Variants in AQR observed in about 807,000 individuals in gnomAD.
The protein encoded by AQR is RNA helicase aquarius.
Under a neutral mutation model 180.5 loss-of-function variants are expected in AQR, and 61 were observed. The observed-to-expected ratio is 0.34, with a 90% CI of 0.28 to 0.42. AQR has a LOEUF of 0.42. Ranked by LOEUF, AQR falls within the 10% of genes least tolerant of loss-of-function variation. The pLI, the probability that AQR is intolerant of heterozygous loss-of-function variation, is 1.00. For missense variants in AQR, 1,281 were observed against 1,798.3 expected, an observed-to-expected ratio of 0.71 and a Z score of 5.20; for synonymous variants, 551 against 588.8, an observed-to-expected ratio of 0.94 and a Z score of 0.93.
At chr15:34,931,170 G>C (rs1046400232) in intron 11 of AQR, among the ~76,000 whole-genome samples, 1 of 151,970 alleles carries the variant, frequency 6.6e-6, no homozygotes, top group African/African-American at 2.4e-5. Context: ...ACTAAGATAG[G>C]GAAAGCTAAG....
chr15:34,922,999 C>T (rs1268877680), intron 13 of AQR, among the ~76,000 whole-genome samples: 4 of 151,986 alleles, frequency 2.6e-5, no homozygotes, highest in Non-Finnish European at 5.9e-5. Flanking sequence ...ATAGGAGTCC[C>T]CCCTTATCTG....
In AQR at chr15:34,864,262, C is replaced by A. The variant is rs535011781; in HGVS notation, c.3855-1221G>T. On this transcript the variant is annotated intron_variant, in intron 32 of 34. Coordinates refer to ENST00000156471, the MANE Select transcript of AQR (RefSeq NM_014691.3). The stretch of plus-strand genomic sequence containing the variant: ...ACCAGCATATGCTATCACTTATATT[C>A]TTGTGCTACGTGTATGTGTGTGAAG... Among the ~76,000 whole-genome samples the A allele has an allele frequency of 3.9e-5, 6 of 152,070 alleles. No homozygotes were observed. In the South Asian group the frequency reaches 1.2e-3, roughly 32 times the overall value.
At chr15:34,878,932 G>A (rs1892927816) in intron 27 of AQR, among the ~76,000 whole-genome samples, 1 of 152,022 alleles carries the variant, frequency 6.6e-6, no homozygotes, top group Non-Finnish European at 1.5e-5. Context: ...GGAGGCTGAG[G>A]CAGGAGAATC....
chr15:34,949,957 C>A (rs1298195464), intron 4 of AQR, among the ~76,000 whole-genome samples: 6 of 130,700 alleles, frequency 4.6e-5, no homozygotes, highest in East Asian at 2.2e-4. Flanking sequence ...CAGAGTGAGA[C>A]CCCATCTCCA....
intron 1 of AQR, among the ~76,000 whole-genome samples, chr15:34,969,150 T>C (rs567708852): frequency 6.6e-6 from 1 of 152,250 alleles, no homozygotes; most frequent in Non-Finnish European, 1.5e-5. Flanking sequence ...AAAAGCCTAC[T>C]CCTACTTGAA....
Position 34,948,404 on chromosome 15 carries a change from T to C in AQR, c.210-20A>G, listed in dbSNP as rs955626660. On this transcript the variant is annotated intron_variant, in intron 4 of 34. Coordinates refer to ENST00000156471, the MANE Select transcript of AQR (RefSeq NM_014691.3). ...TACTGGCTGTAAAGAGTAAAAAGCATAGAATACTTCATTAGTTACCACCAC... is the reference window on the plus strand; with the variant it reads ...TACTGGCTGTAAAGAGTAAAAAGCACAGAATACTTCATTAGTTACCACCAC... 3.1e-6 allele frequency: 5 copies of C among 1,608,592 alleles called. No homozygotes were observed. Among genetic ancestry groups the C allele is most frequent in the Non-Finnish European group, 4.2e-6 (5 of 1,179,180 alleles).
chr15:34,876,475 C>T (rs910969507), intron 27 of AQR, among the ~76,000 whole-genome samples: 2 of 152,076 alleles, frequency 1.3e-5, no homozygotes, highest in South Asian at 4.1e-4. Flanking sequence ...GCATTCAATC[C>T]ATCACCAGAG....
In AQR at chr15:34,964,521, C is replaced by G. The variant is rs956438894; in HGVS notation, c.76-231G>C. ...AACATGCCATTGTGATATAAACAAA[C>G]AAACAAAATCCTCTCCAACCACCCT... On this transcript the variant is annotated intron_variant, in intron 1 of 34. Transcript: ENST00000156471. 9.7e-6 allele frequency: 6 copies of G among 618,740 alleles called. No individual in the cohort carries two copies. The African/African-American group carries it at 1.1e-4, about 11-fold the overall frequency. 38.3% of individuals were successfully genotyped at this position (618,740 alleles called of 1,614,324 possible).
intron 28 of AQR, 33 bp from the exon 29 acceptor site, chr15:34,874,897 C>T (rs1595783031): frequency 6.4e-7 from 1 of 1,573,650 alleles, no homozygotes; most frequent in Non-Finnish European, 8.7e-7. Context: ...TGGCAAAATA[C>T]TCTATTATCC....
At chr15:34,908,000 C>T (rs886484539) in intron 17 of AQR, among the ~76,000 whole-genome samples, 1 of 152,178 alleles carries the variant, frequency 6.6e-6, no homozygotes, top group African/African-American at 2.4e-5. Flanking sequence ...GCTGTGCTTT[C>T]TGGAGCAAAT....
intron 15 of AQR, among the ~76,000 whole-genome samples, chr15:34,916,288 G>A (rs1384254123): frequency 6.6e-6 from 1 of 152,046 alleles, no homozygotes; most frequent in East Asian, 1.9e-4. Flanking sequence ...TTGTTTGTAT[G>A]TTATTCCAGA....
At position 34,889,549 on chromosome 15, in the gene AQR, C is replaced by G. The variant is rs116302189; in HGVS notation, c.2681+666G>C. ...TTAAAATACTAATGGCAGAAGAAAT[C>G]CGACTTGTAAAGTTTTAGTCAATTT... On this transcript the variant is annotated intron_variant, in intron 24 of 34. Coordinates refer to ENST00000156471, the MANE Select transcript of AQR (RefSeq NM_014691.3). 5.5e-4 allele frequency among the ~76,000 whole-genome samples: 83 copies of G among 152,264 alleles called. 1 individual carries two copies. The highest frequency in any genetic ancestry group is 4.4e-3 in the South Asian group (21 of 4,820).
chr15:34,960,741 A>T, intron 3 of AQR, 33 bp downstream of exon 3: 1 of 865,056 alleles, frequency 1.2e-6, no homozygotes, highest in African/African-American at 1.7e-5. Context: ...GTCCACCCCA[A>T]TCACATTGTA....
At chr15:34,882,682 G>T (rs777143608) in intron 26 of AQR, 43 bp from the exon 27 acceptor site, 6 of 1,577,740 alleles carry the variant, frequency 3.8e-6, no homozygotes, top group Non-Finnish European at 3.4e-6. Context: ...TAGGAAAACG[G>T]AGTTTTGCAC....
intron 14 of AQR, among the ~76,000 whole-genome samples, chr15:34,919,496 A>C (rs1893650901): frequency 6.6e-6 from 1 of 152,128 alleles, no homozygotes; most frequent in African/African-American, 2.4e-5. Flanking sequence ...TTTAAAAATT[A>C]TTTTCTTTTG....
At chr15:34,887,916 T>C (rs1893087053) in intron 24 of AQR, among the ~76,000 whole-genome samples, 1 of 152,188 alleles carries the variant, frequency 6.6e-6, no homozygotes, top group South Asian at 2.1e-4. Context: ...TTATCTACAA[T>C]GAACACTTCG....
intron 1 of AQR, among the ~76,000 whole-genome samples, chr15:34,965,280 A>G (rs2050304303): frequency 6.6e-6 from 1 of 151,850 alleles, no homozygotes; most frequent in Admixed American, 6.6e-5. Context: ...TAGCTCAGTG[A>G]TGAACACATA....
rs551150918 is a variant in AQR at position 34,853,073 on chromosome 15, A to G, written c.*3719T>C. 1.2e-4 allele frequency: 19 copies of G among 152,326 alleles called. No individual in the cohort carries two copies. The highest frequency in any genetic ancestry group is 2.0e-4 in the Admixed American group (3 of 15,308). 9.4% of individuals were successfully genotyped at this position (152,326 alleles called of 1,614,324 possible). On this transcript the variant is annotated 3_prime_UTR_variant, in exon 35 of 35. Coordinates refer to ENST00000156471, the MANE Select transcript of AQR (RefSeq NM_014691.3). ...ACTGAAGAGTATCGGTGGATGAAGA[A>G]AAAATAGTCTCACATGTCTTCATTT...
intron 1 of AQR, among the ~76,000 whole-genome samples, chr15:34,965,388 C>T (rs527662928): frequency 1.3e-5 from 2 of 152,158 alleles, no homozygotes; most frequent in Admixed American, 6.6e-5. Flanking sequence ...TGACACCTTC[C>T]GGCCAGGCAT....
Sources: allele counts gnomAD v4.1 joint callset (sites outside exome capture counted in the v4.1 genomes callset), GRCh38; gene constraint gnomAD v4.1.1; transcripts MANE v1.5; gene names NCBI Gene and HGNC (gene_info 2026-07-23, HGNC 2026-07-21).